ZNF217: variants seen among roughly 807,000 people sequenced by gnomAD.
The protein encoded by ZNF217 is zinc finger protein 217.
A neutral mutation model predicts 73.3 loss-of-function variants in ZNF217; 12 were observed. That is an observed-to-expected ratio of 0.16 (90% CI 0.10 to 0.27). The LOEUF (loss-of-function observed/expected upper bound fraction) is 0.27. Ranked by LOEUF, ZNF217 falls within the 10% of genes least tolerant of loss-of-function variation. The pLI is 1.00. For missense variants in ZNF217, 1,195 were observed against 1,327.8 expected, an observed-to-expected ratio of 0.90 and a Z score of 1.55; for synonymous variants, 588 against 516.4, an observed-to-expected ratio of 1.14 and a Z score of -1.88.
chr20:53,593,420 AAC>A (rs1988952742), intron 1 of ZNF217, among the ~76,000 whole-genome samples: 1 of 151,452 alleles, frequency 6.6e-6, no homozygotes, highest in Non-Finnish European at 1.5e-5. Flanking sequence ...AACTTTTCGG[AAC>A]AGCCCCCCAC....
Position 53,581,717 on chromosome 20 carries a change from G to A in ZNF217, c.1110C>T (p.Ser370=). 6.2e-7 allele frequency: 1 copy of A among 1,614,246 alleles called. No homozygotes were observed. Among genetic ancestry groups the A allele is most frequent in the Non-Finnish European group, 8.5e-7 (1 of 1,180,046 alleles). The part of the protein sequence containing the change: ...SVDADPKLPS[S]KEKPTHCSEC... ...CGGAGCAGTGAGTGGGCTTCTCCTT[G>A]CTACTGGGTAACTTGGGATCCGCGT... The change falls in exon 2 of 6, where the codon AGC becomes AGT. Residue 370 remains serine, a synonymous_variant. Transcript: ENST00000371471. The surrounding 1 kb of genome is among the most constrained non-coding windows in gnomAD (Gnocchi z 4.9).
intron 1 of ZNF217, among the ~76,000 whole-genome samples, chr20:53,585,183 G>C: frequency 6.7e-6 from 1 of 149,904 alleles, no homozygotes; most frequent in East Asian, 2.0e-4. Flanking sequence ...ACTAATACGT[G>C]AAACTGTAAT....
At chr20:53,594,274 G>A (rs995046655), upstream of ZNF217, among the ~76,000 whole-genome samples, 2 of 151,336 alleles carry the variant, frequency 1.3e-5, no homozygotes, top group Non-Finnish European at 3.0e-5. Flanking sequence ...AGTGTTCAGG[G>A]AGCAGCTGTT....
chr20:53,593,419 GA>G (rs1028570867), intron 1 of ZNF217, among the ~76,000 whole-genome samples: 5 of 152,090 alleles, frequency 3.3e-5, no homozygotes, highest in African/African-American at 1.2e-4. Context: ...CAACTTTTCG[GA>G]ACAGCCCCCC....
rs566066263 is a variant in ZNF217, at chr20:53,581,615, G to A, written c.1212C>T (p.Gly404=). The part of the protein sequence containing the change: ...SRVHKKDRRA[G]AESPTMSVDG... ...CCACAGACATGGTGGGCGACTCCGC[G>A]CCGGCCCTCCGGTCCTTCTTGTGGA... is the stretch of plus-strand genomic sequence containing the variant. The change falls in exon 2 of 6, where the codon GGC becomes GGT. Residue 404 remains glycine, a synonymous_variant. Transcript: ENST00000371471. This position sits in a 1 kb window ranked among gnomAD's most constrained non-coding sequence, Gnocchi z 4.9. 55 of 1,614,064 alleles carry A rather than the reference G, an allele frequency of 3.4e-5. No homozygotes were observed. In the East Asian group the frequency reaches 5.8e-4, roughly 17 times the overall value.
intron 1 of ZNF217, among the ~76,000 whole-genome samples, chr20:53,586,652 C>T (rs1328107115): frequency 6.6e-6 from 1 of 152,198 alleles, no homozygotes; most frequent in African/African-American, 2.4e-5. Flanking sequence ...AGGTTTACAT[C>T]CCTTAAAACC....
In ZNF217 at chr20:53,582,288, C is replaced by A; in HGVS notation, c.539G>T (p.Gly180Val). 1.2e-6 allele frequency: 2 copies of A among 1,614,144 alleles called. No homozygotes were observed. Among genetic ancestry groups the A allele is most frequent in the South Asian group, 2.2e-5 (2 of 91,082 alleles). ...CAGTTTGCTTCTGGCCCCCGATTTG[C>A]CATTATGTGTCCGCATGTGATTTTT... is the stretch of plus-strand genomic sequence containing the variant. The part of the protein sequence containing the change: ...FLKNHMRTHN[G>V]KSGARSKLQQ... Residue 180 changes from glycine to valine, a missense_variant, in exon 2 of 6, where the codon GGC (glycine) becomes GTC (valine). Transcript: ENST00000371471. This position sits in a 1 kb window ranked among gnomAD's most constrained non-coding sequence, Gnocchi z 4.8.
At chr20:53,570,448 T>C (rs144945193) in intron 5 of ZNF217, 2 of 152,888 alleles carry the variant, frequency 1.3e-5, no homozygotes, top group East Asian at 3.9e-4. Context: ...GCTCAACGAA[T>C]ATACAGTGAC....
chr20:53,581,924 C>T lies in ZNF217; in HGVS notation c.903G>A (p.Leu301=). Residue 301 remains leucine, a synonymous_variant, in exon 2 of 6, where the codon CTG becomes CTA. Coordinates refer to ENST00000371471, the MANE Select transcript of ZNF217 (RefSeq NM_006526.3). The surrounding 1 kb of genome is among the most constrained non-coding windows in gnomAD (Gnocchi z 4.9). ...AAATGGCAACTTTTCCTTTGGTAGC[C>T]AGCTGCCAAGCCTGGAAGGTGGTGA... The part of the protein sequence containing the change: ...DPFTTFQAWQ[L]ATKGKVAICQ... The T allele has an allele frequency of 6.2e-7, 1 of 1,614,192 alleles. No homozygotes were observed. Among genetic ancestry groups the T allele is most frequent in the Non-Finnish European group, 8.5e-7 (1 of 1,180,042 alleles).
In ZNF217 at chr20:53,577,797, C is replaced by T. The variant is rs559237469; in HGVS notation, c.1484-517G>A. ...AGAGTCAGGACATAGCAGTCATAAA[C>T]TAAACAAATGAACTTTGTCCGGGCG... On this transcript the variant is annotated intron_variant, in intron 3 of 5. Transcript: ENST00000371471. Among the ~76,000 whole-genome samples, 3 of 152,290 alleles carry T rather than the reference C, an allele frequency of 2.0e-5. No homozygotes were observed. In the South Asian group the frequency reaches 6.2e-4, roughly 32 times the overall value.
intron 5 of ZNF217, among the ~76,000 whole-genome samples, chr20:53,571,406 G>GC (rs35525463): frequency 1.2e-4 from 2 of 16,492 alleles, no homozygotes; most frequent in Non-Finnish European, 2.1e-4. Flanking sequence ...CCCCGCCCCC[G>GC]CCCCCCCTTT....
In ZNF217 at chr20:53,582,555, G is replaced by C; in HGVS notation, c.272C>G (p.Thr91Ser). The C allele has an allele frequency of 6.2e-7, 1 of 1,614,214 alleles. No homozygotes were observed. The part of the protein sequence containing the change: ...NKHVLMQHRP[T>S]LCEPAVLRVE... ...CCGAAGAACTGCTGGTTCACAGAGG[G>C]TAGGCCGGTGTTGCATTAAGACATG... Residue 91 changes from threonine to serine, a missense_variant, in exon 2 of 6, where the codon ACC becomes AGC. Physicochemically the swap from Thr to Ser is moderately conservative, Grantham distance 58. Coordinates refer to ENST00000371471, the MANE Select transcript of ZNF217 (RefSeq NM_006526.3). The surrounding 1 kb of genome is among the most constrained non-coding windows in gnomAD (Gnocchi z 4.8).
At chr20:53,574,187 G>C (rs754650903) in intron 4 of ZNF217, among the ~76,000 whole-genome samples, 3 of 152,138 alleles carry the variant, frequency 2.0e-5, no homozygotes, top group Non-Finnish European at 4.4e-5. Context: ...GAAAACTGCA[G>C]ATGTTCAGTA....
intron 1 of ZNF217, among the ~76,000 whole-genome samples, chr20:53,584,584 A>G (rs1324021608): frequency 6.6e-6 from 1 of 152,252 alleles, no homozygotes; most frequent in Non-Finnish European, 1.5e-5. Flanking sequence ...GGTGTGATAT[A>G]ATAGAACACT....
upstream of ZNF217, among the ~76,000 whole-genome samples, chr20:53,594,007 G>A (rs1186522106): frequency 2.0e-5 from 3 of 151,126 alleles, no homozygotes; most frequent in Non-Finnish European, 4.4e-5. Flanking sequence ...GCCATCCGCC[G>A]AGGAGCCTAG....
In ZNF217 at chr20:53,576,493, C is replaced by T. The variant is rs56268939; in HGVS notation, c.2271G>A (p.Pro757=). ...GCACATCTTTTCCCAGCAACGCTGG[C>T]GGGCATCCGGTACGTCGACTTCTAA... ...SLLRSRRTGC[P]PALLGKDVPP... is the part of the protein sequence containing the mutation. The change falls in exon 4 of 6, where the codon CCG becomes CCA. Residue 757 remains proline (P), a synonymous_variant. Coordinates refer to ENST00000371471, the MANE Select transcript of ZNF217 (RefSeq NM_006526.3). The T allele has an allele frequency of 5.2e-3, 8,361 of 1,614,222 alleles. 24 individuals carry two copies. Among genetic ancestry groups the T allele is most frequent in the Non-Finnish European group, 6.3e-3 (7,477 of 1,180,038 alleles).
At chr20:53,592,181 T>C (rs533727214) in intron 1 of ZNF217, among the ~76,000 whole-genome samples, 26 of 152,336 alleles carry the variant, frequency 1.7e-4, no homozygotes, top group Non-Finnish European at 3.5e-4. Context: ...AGCTACGCTG[T>C]AGGACACACA....
rs1232185361 is a variant in ZNF217, at chr20:53,577,212, A to G, written c.1552T>C (p.Leu518=). Residue 518 remains leucine, a synonymous_variant, in exon 4 of 6, where the codon TTG becomes CTG. Coordinates refer to ENST00000371471, the MANE Select transcript of ZNF217 (RefSeq NM_006526.3). ...AAQKTSLRYH[L]ERHHKEKQTD... Reference sequence around the variant, plus strand: ...TGTTTTTCCTTGTGATGTCTCTCCAAGTGATACCTCAGAGATGTCTTCTGG... The same window carrying G: ...TGTTTTTCCTTGTGATGTCTCTCCAGGTGATACCTCAGAGATGTCTTCTGG... The G allele has an allele frequency of 6.2e-7, 1 of 1,609,834 alleles. No individual in the cohort carries two copies. Among genetic ancestry groups the G allele is most frequent in the Non-Finnish European group, 8.5e-7 (1 of 1,180,036 alleles).
At chr20:53,571,402 C>T (rs886730047) in intron 5 of ZNF217, among the ~76,000 whole-genome samples, 2 of 49,944 alleles carry the variant, frequency 4.0e-5, no homozygotes, top group East Asian at 1.1e-3. Context: ...CAATCCCCGC[C>T]CCCGCCCCCC....
Sources: allele counts gnomAD v4.1 joint callset (sites outside exome capture counted in the v4.1 genomes callset), GRCh38; gene constraint gnomAD v4.1.1; non-coding constraint Gnocchi (gnomAD v3.1); transcripts MANE v1.5; gene names NCBI Gene and HGNC (gene_info 2026-07-23, HGNC 2026-07-21).